TAFA5: variants seen among roughly 807,000 people sequenced by gnomAD.
The protein encoded by TAFA5 is TAFA chemokine like family member 5, also known as chemokine-like protein TAFA-5.
TAFA5 carries 6 observed loss-of-function variants against 15.3 expected under a neutral mutation model. The observed-to-expected ratio is 0.39, with a 90% CI of 0.21 to 0.77. TAFA5 has a LOEUF of 0.77. Ranked by LOEUF, TAFA5 falls within the 30% of genes least tolerant of loss-of-function variation. The pLI is 0.41. For synonymous variants in TAFA5, 103 were observed against 80.7 expected, an observed-to-expected ratio of 1.28 and a Z score of -1.48; for missense variants, 161 against 193.1, an observed-to-expected ratio of 0.83 and a Z score of 0.98.
At chr22:48,518,391 C>T (rs1047963191) in intron 1 of TAFA5, among the ~76,000 whole-genome samples, 14 of 152,204 alleles carry the variant, frequency 9.2e-5, no homozygotes, top group African/African-American at 3.4e-4. Flanking sequence ...TGCCCGTCCT[C>T]CCCAAACCAA....
intron 2 of TAFA5, chr22:48,693,228 C>T: frequency 1.4e-6 from 2 of 1,475,206 alleles, no homozygotes; most frequent in Non-Finnish European, 1.8e-6. Context: ...TCAGAGCAGC[C>T]TGGCAGGATG....
chr22:48,738,554 C>T (rs1166931223), intron 3 of TAFA5, among the ~76,000 whole-genome samples: 1 of 151,778 alleles, frequency 6.6e-6, no homozygotes, highest in Non-Finnish European at 1.5e-5. Context: ...CTCCAGGACC[C>T]TCTACTCACC....
chr22:48,505,071 C>T (rs1001950081), intron 1 of TAFA5, among the ~76,000 whole-genome samples: 1 of 152,234 alleles, frequency 6.6e-6, no homozygotes, highest in South Asian at 2.1e-4. Context: ...GCACCCATCT[C>T]TCAGGAGGGA....
intron 1 of TAFA5, among the ~76,000 whole-genome samples, chr22:48,586,002 AG>A (rs1924345156): frequency 6.6e-6 from 1 of 152,204 alleles, no homozygotes; most frequent in Non-Finnish European, 1.5e-5. Flanking sequence ...GGCGTTCTGG[AG>A]GAAGGGAGAG....
intron 1 of TAFA5, among the ~76,000 whole-genome samples, chr22:48,502,972 T>A (rs1920961578): frequency 6.6e-6 from 1 of 152,258 alleles, no homozygotes; most frequent in African/African-American, 2.4e-5. Context: ...TTATTGGTGC[T>A]AATTCATGCT....
Position 48,749,941 on chromosome 22 carries a change from C to T in TAFA5, c.*94C>T, listed in dbSNP as rs374254326. On this transcript the variant is annotated 3_prime_UTR_variant, in exon 4 of 4. Coordinates refer to ENST00000402357, the MANE Select transcript of TAFA5 (RefSeq NM_001082967.3). ...TTCTCCACTCGCCTCGGACTTCACC[C>T]GTTCTCTGCCGCCCGCCCACTCCGT... 46 of 1,199,930 alleles carry T rather than the reference C, an allele frequency of 3.8e-5. No individual in the cohort carries two copies. In the East Asian group the frequency reaches 1.1e-3, roughly 29 times the overall value. 74.3% of individuals were successfully genotyped at this position (1,199,930 alleles called of 1,614,324 possible). A position where few individuals can be genotyped will look rare whatever the true frequency, so the allele number is the denominator to read the frequency against.
chr22:48,649,613 C>A (rs1399496864), intron 2 of TAFA5, among the ~76,000 whole-genome samples: 1 of 152,166 alleles, frequency 6.6e-6, no homozygotes, highest in Non-Finnish European at 1.5e-5. Context: ...GAGCTGGATC[C>A]TGGGGCGAGC....
At chr22:48,688,577 G>A (rs13057473) in intron 2 of TAFA5, among the ~76,000 whole-genome samples, 9 of 152,038 alleles carry the variant, frequency 5.9e-5, no homozygotes, top group African/African-American at 1.4e-4. Flanking sequence ...CTGGCTGCTC[G>A]GGGGACGGTG....
rs1295327821 is a variant in TAFA5, at chr22:48,542,609, GGT to G, written c.112+52915_112+52916del. Among the ~76,000 whole-genome samples, 12 of 111,268 alleles carry G rather than the reference GGT, an allele frequency of 1.1e-4. No individual in the cohort carries two copies. In the East Asian group the frequency reaches 1.1e-3, roughly 11 times the overall value. The allele number at this position is 111,268 out of a possible 152,430, so 73.0% of individuals were successfully genotyped here. On this transcript the variant is annotated intron_variant, in intron 1 of 3. Transcript: ENST00000402357. ...GGGTGTGTGGTGTGTATGTGTGTGT[GGT>G]GTGTGTGTGGTGTGTGTGGGTGTGT... is the stretch of plus-strand genomic sequence containing the variant.
At chr22:48,677,189 C>T (rs375047112) in intron 2 of TAFA5, among the ~76,000 whole-genome samples, 19 of 152,364 alleles carry the variant, frequency 1.2e-4, no homozygotes, top group Middle Eastern at 3.4e-3. Context: ...TCTGAGTGCC[C>T]GTCGGGGATG....
chr22:48,536,008 G>A (rs1243856448), intron 1 of TAFA5, among the ~76,000 whole-genome samples: 4 of 152,240 alleles, frequency 2.6e-5, no homozygotes, highest in Non-Finnish European at 5.9e-5. Context: ...GGCACACACA[G>A]ACACACCCCC....
intron 1 of TAFA5, among the ~76,000 whole-genome samples, chr22:48,564,546 G>C (rs1421876716): frequency 6.6e-6 from 1 of 152,330 alleles, no homozygotes; most frequent in East Asian, 1.9e-4. Context: ...AGCCCACTGG[G>C]AGCTCTGAAA....
At chr22:48,739,740 G>A (rs1465958635) in intron 3 of TAFA5, among the ~76,000 whole-genome samples, 1 of 152,180 alleles carries the variant, frequency 6.6e-6, no homozygotes, top group Non-Finnish European at 1.5e-5. Context: ...GGCTCCGCCT[G>A]CCTCTCTGTG....
chr22:48,733,353 T>A (rs1929919555), intron 3 of TAFA5, among the ~76,000 whole-genome samples: 1 of 152,206 alleles, frequency 6.6e-6, no homozygotes, highest in African/African-American at 2.4e-5. Context: ...CAAGCCAGCA[T>A]GTGCTTCAGC....
At chr22:48,740,501 G>T (rs11913782) in intron 3 of TAFA5, among the ~76,000 whole-genome samples, 14,111 of 152,256 alleles carry the variant, frequency 0.093, 775 homozygotes, top group African/African-American at 0.15. Flanking sequence ...GGGGGGCAGG[G>T]ATGGAGCTGT....
chr22:48,530,473 G>T lies in TAFA5; in HGVS notation c.112+40769G>T, dbSNP rs548480788. ...GCTGACCACTGGATACTCTGGCCAG[G>T]GACCTTGGGATGGTTCAGGGGAACC... On this transcript the variant is annotated intron_variant, in intron 1 of 3. Coordinates refer to ENST00000402357, the MANE Select transcript of TAFA5 (RefSeq NM_001082967.3). This position sits in a 1 kb window ranked among gnomAD's most constrained non-coding sequence, Gnocchi z 6.0. Among the ~76,000 whole-genome samples the T allele has an allele frequency of 1.3e-5, 2 of 152,288 alleles. No individual in the cohort carries two copies. Among genetic ancestry groups the T allele is most frequent in the South Asian group, 4.1e-4 (2 of 4,828 alleles).
rs762673337 is a variant in TAFA5 at position 48,707,747 on chromosome 22, A to T, written c.293A>T (p.Asp98Val). 2.5e-6 allele frequency: 4 copies of T among 1,613,830 alleles called. No homozygotes were observed. In the South Asian group the frequency reaches 4.4e-5, roughly 18 times the overall value. Residue 98 changes from aspartate (D) to valine (V), a missense_variant, in exon 3 of 4, where the codon GAC (aspartate) becomes GTC (valine). Transcript: ENST00000402357. The stretch of plus-strand genomic sequence containing the variant: ...ATCATCAAGACCAAGCAGTGGTGTG[A>T]CATGCTTCCGTGTCTGGAGGGGGAA... ...ARIIKTKQWC[D>V]MLPCLEGEGC...
intron 1 of TAFA5, among the ~76,000 whole-genome samples, chr22:48,590,161 C>G (rs1329332214): frequency 6.6e-6 from 1 of 152,138 alleles, no homozygotes; most frequent in African/African-American, 2.4e-5. Flanking sequence ...GGATTCCCAT[C>G]CCGGAGGTGG....
rs1925019707 is a variant in TAFA5 at position 48,602,726 on chromosome 22, G to T, written c.113-43871G>T. On this transcript the variant is annotated intron_variant, in intron 1 of 3. Coordinates refer to ENST00000402357, the MANE Select transcript of TAFA5 (RefSeq NM_001082967.3). ...GTGGCCGTTTCTCAGGGGACTGTGT[G>T]GCCTTGAAGTGTCCGGGACCTGCTG... 2.0e-5 allele frequency among the ~76,000 whole-genome samples: 3 copies of T among 152,178 alleles called. No individual in the cohort carries two copies. In the South Asian group the frequency reaches 6.2e-4, roughly 32 times the overall value.
Sources: allele counts gnomAD v4.1 joint callset (sites outside exome capture counted in the v4.1 genomes callset), GRCh38; gene constraint gnomAD v4.1.1; non-coding constraint Gnocchi (gnomAD v3.1); transcripts MANE v1.5; gene names NCBI Gene and HGNC (gene_info 2026-07-23, HGNC 2026-07-21).